The following ACSL1 variants were observed in gnomAD, a reference collection of about 807,000 sequenced individuals.
ACSL1 encodes long-chain-fatty-acid--CoA ligase 1.
ACSL1 carries 41 observed loss-of-function variants against 98.4 expected under a neutral mutation model. The observed-to-expected ratio is 0.42, with a 90% CI of 0.32 to 0.54. The LOEUF (loss-of-function observed/expected upper bound fraction) is 0.54, where lower values mean the gene tolerates loss of function less well. Among genes scored for constraint, ACSL1 ranks in the 20% least tolerant of loss-of-function variants. The pLI is 0.13. For missense variants in ACSL1, 734 were observed against 883.1 expected, an observed-to-expected ratio of 0.83 and a Z score of 2.14; for synonymous variants, 316 against 322.7, an observed-to-expected ratio of 0.98 and a Z score of 0.22.
Position 184,788,726 on chromosome 4 carries a change from A to G in ACSL1, c.201T>C (p.Ser67=). 6.2e-7 allele frequency: 1 copy of G among 1,613,922 alleles called. No individual in the cohort carries two copies. The highest frequency in any genetic ancestry group is 8.5e-7 in the Non-Finnish European group (1 of 1,179,850). The change falls in exon 3 of 21, where the codon AGT becomes AGC. Residue 67 remains serine (S), a synonymous_variant. Coordinates refer to ENST00000281455, the MANE Select transcript of ACSL1 (RefSeq NM_001995.5). ...GTAGTGCGGATCTTCGTGCACCACC[A>G]CTACCCTATCAAAAAAGAAAGGGGG... ...LSMQSVEVAG[S]GGARRSALLD...
chr4:184,803,783 C>A lies in ACSL1; in HGVS notation c.-32-237G>T, dbSNP rs941198667. Among the ~76,000 whole-genome samples the A allele has an allele frequency of 6.6e-6, 1 of 152,202 alleles. No homozygotes were observed. The highest frequency in any genetic ancestry group is 6.5e-5 in the Admixed American group (1 of 15,282). On this transcript the variant is annotated intron_variant, in intron 1 of 20. Transcript: ENST00000281455. This position sits in a 1 kb window ranked among gnomAD's most constrained non-coding sequence, Gnocchi z 4.8. ...TACCTTGTATTGAAAAAACCCCATT[C>A]TCTTCCTTTCATTAACCATATTAAA...
intron 14 of ACSL1, 59 bp downstream of exon 14, chr4:184,765,832 G>T: frequency 1.4e-6 from 2 of 1,472,446 alleles, no homozygotes; most frequent in African/African-American, 1.4e-5. Flanking sequence ...GACTTTTGGT[G>T]CAGAAGAGGA....
At chr4:184,826,136 G>T (rs1419942222), upstream of ACSL1, 1 of 145,276 alleles carries the variant, frequency 6.9e-6, no homozygotes, top group African/African-American at 2.5e-5. Context: ...CCCGCCCCCG[G>T]CAGGCCCCGC....
chr4:184,761,247 T>C (rs895755051), intron 17 of ACSL1, among the ~76,000 whole-genome samples: 7 of 152,186 alleles, frequency 4.6e-5, no homozygotes, highest in South Asian at 4.1e-4. Flanking sequence ...CACAGTAGAA[T>C]TGGAACTGAC....
chr4:184,796,539 T>C (rs1769396174), intron 2 of ACSL1, among the ~76,000 whole-genome samples: 1 of 152,230 alleles, frequency 6.6e-6, no homozygotes, highest in Non-Finnish European at 1.5e-5. Flanking sequence ...CATTTGACCA[T>C]TTGCACAATT....
intron 2 of ACSL1, among the ~76,000 whole-genome samples, chr4:184,796,505 A>C (rs555069408): frequency 1.3e-5 from 2 of 152,360 alleles, no homozygotes; most frequent in Middle Eastern, 3.4e-3. Flanking sequence ...TAGAATTAAA[A>C]GGGGAAATCT....
chr4:184,822,760 A>G (rs1434640897), intron 1 of ACSL1, among the ~76,000 whole-genome samples: 1 of 152,042 alleles, frequency 6.6e-6, no homozygotes, highest in African/African-American at 2.4e-5. Context: ...AAAAAAAAAG[A>G]AAGTGAAAAT....
At chr4:184,811,406 C>G (rs1378275619) in intron 1 of ACSL1, among the ~76,000 whole-genome samples, 1 of 152,108 alleles carries the variant, frequency 6.6e-6, no homozygotes, top group Non-Finnish European at 1.5e-5. Context: ...GCCACCGCGC[C>G]CAGCTGCACA....
chr4:184,814,016 C>T (rs1317216395), intron 1 of ACSL1: 3 of 395,396 alleles, frequency 7.6e-6, no homozygotes, highest in African/African-American at 4.1e-5. Context: ...TAAGGCTGGG[C>T]ACAGTGGCTC....
intron 1 of ACSL1, chr4:184,805,566 A>G (rs1771298936): frequency 2.1e-6 from 2 of 967,024 alleles, no homozygotes; most frequent in Admixed American, 6.2e-5. Flanking sequence ...GTGACACCCC[A>G]CTGCAGACAC....
Position 184,766,840 on chromosome 4 carries a change from C to A in ACSL1, c.1129-84G>T. On this transcript the variant is annotated intron_variant, in intron 12 of 20. Transcript: ENST00000281455. The surrounding 1 kb of genome is among the most constrained non-coding windows in gnomAD (Gnocchi z 4.8). Reference sequence around the variant, plus strand: ...GTGTGGAGAAATCAGAACCCTCACACACAGCTGGGGAACACAAAATGGCAC... The same window carrying A: ...GTGTGGAGAAATCAGAACCCTCACAAACAGCTGGGGAACACAAAATGGCAC... The A allele has an allele frequency of 6.9e-7, 1 of 1,454,838 alleles. No individual in the cohort carries two copies. The highest frequency in any genetic ancestry group is 9.3e-7 in the Non-Finnish European group (1 of 1,073,870). 90.1% of individuals were successfully genotyped at this position (1,454,838 alleles called of 1,614,324 possible).
At chr4:184,813,875 G>A in intron 1 of ACSL1, 1 of 456,138 alleles carries the variant, frequency 2.2e-6, no homozygotes, top group South Asian at 1.5e-5. Context: ...TGGAGAGGAA[G>A]CTCCACTTGT....
intron 1 of ACSL1, among the ~76,000 whole-genome samples, chr4:184,810,841 G>A (rs1311392784): frequency 2.6e-5 from 4 of 152,140 alleles, no homozygotes; most frequent in Admixed American, 6.5e-5. Flanking sequence ...GCTGTGCTAC[G>A]GGACTGCGCA....
intron 2 of ACSL1, among the ~76,000 whole-genome samples, chr4:184,797,436 A>G (rs1006425917): frequency 2.0e-5 from 3 of 152,204 alleles, no homozygotes; most frequent in Non-Finnish European, 4.4e-5. Flanking sequence ...CTACTTGGTA[A>G]TATGCTCCAT....
intron 18 of ACSL1, chr4:184,758,262 T>TA (rs1054070189): frequency 3.4e-3 from 686 of 204,074 alleles, no homozygotes; most frequent in African/African-American, 6.2e-3. Context: ...TAACTGCTTT[T>TA]AAAAAAAAAA....
upstream of ACSL1, chr4:184,826,110 C>CGCCCTCCCGCG (rs1773476196): frequency 1.4e-5 from 2 of 146,930 alleles, no homozygotes; most frequent in Non-Finnish European, 3.0e-5. Flanking sequence ...CCCGCGGCCC[C>CGCCCTCCCGCG]GCCCCGCCCG....
chr4:184,774,098 TTACATAAAAC>T (rs1324727070), intron 7 of ACSL1, among the ~76,000 whole-genome samples: 1 of 152,124 alleles, frequency 6.6e-6, no homozygotes, highest in African/African-American at 2.4e-5. Flanking sequence ...ACCTCTTCTC[TTACATAAAAC>T]TACATAAACG....
rs1167647966 is a variant in ACSL1 at position 184,766,070 on chromosome 4, C to G, written c.1264-84G>C. 1.9e-5 allele frequency: 25 copies of G among 1,338,944 alleles called. No homozygotes were observed. Among genetic ancestry groups the G allele is most frequent in the Non-Finnish European group, 2.6e-5 (25 of 948,666 alleles). The allele number at this position is 1,338,944 out of a possible 1,614,324, so 82.9% of individuals were successfully genotyped here. On this transcript the variant is annotated intron_variant, in intron 13 of 20. Transcript: ENST00000281455. The surrounding 1 kb of genome is among the most constrained non-coding windows in gnomAD (Gnocchi z 4.8). ...CTCCGCCAAGGGGGCCTGCTTGGGA[C>G]CCCGTTCCCTAACCCATAGCTGCAG...
chr4:184,802,491 G>A (rs1770694053), intron 2 of ACSL1, among the ~76,000 whole-genome samples: 2 of 150,838 alleles, frequency 1.3e-5, no homozygotes, highest in African/African-American at 4.9e-5. Flanking sequence ...GACTTGGGTA[G>A]GGGAAAGCAA....
Sources: gnomAD v4.1 joint callset for allele counts (sites outside exome capture counted in the v4.1 genomes callset) on GRCh38, gnomAD v4.1.1 for gene constraint, Gnocchi (gnomAD v3.1) non-coding constraint, MANE v1.5 for transcripts, NCBI Gene and HGNC (gene_info 2026-07-23, HGNC 2026-07-21) for gene names.